The following EXTL3 variants were observed in gnomAD, a reference collection of about 807,000 sequenced individuals.
The protein encoded by EXTL3 is exostosin like glycosyltransferase 3, also known as exostosin-like 3.
Under a neutral mutation model 69.3 loss-of-function variants are expected in EXTL3, and 27 were observed. The ratio of observed to expected loss-of-function variants is 0.39; its 90% CI spans 0.29 to 0.54. The LOEUF (loss-of-function observed/expected upper bound fraction) is 0.54, where lower values mean the gene tolerates loss of function less well. Ranked by LOEUF, EXTL3 falls within the 20% of genes least tolerant of loss-of-function variation. The pLI is 0.69. For missense variants in EXTL3, 1,003 were observed against 1,231.8 expected (o/e 0.81, Z 2.78); for synonymous variants, 511 against 499.4 (o/e 1.02, Z -0.31).
At chr8:28,704,162 A>G (rs924544541) in intron 1 of EXTL3, among the ~76,000 whole-genome samples, 1 of 152,222 alleles carries the variant, frequency 6.6e-6, no homozygotes, top group Non-Finnish European at 1.5e-5. Context: ...AGGATTGGGG[A>G]GACTCATTAC....
At chr8:28,617,808 A>T (rs1272148324), upstream of EXTL3, among the ~76,000 whole-genome samples, 3 of 152,052 alleles carry the variant, frequency 2.0e-5, no homozygotes, top group Non-Finnish European at 2.9e-5. Context: ...CAACAACAAT[A>T]AAAAAAACAA....
At chr8:28,722,172 G>A (rs930848262) in intron 3 of EXTL3, among the ~76,000 whole-genome samples, 1 of 152,166 alleles carries the variant, frequency 6.6e-6, no homozygotes, top group African/African-American at 2.4e-5. Context: ...CAGTGCATCC[G>A]GGTGGCGCGT....
intron 1 of EXTL3, among the ~76,000 whole-genome samples, chr8:28,669,462 A>G (rs981859884): frequency 2.6e-5 from 4 of 152,194 alleles, no homozygotes; most frequent in Non-Finnish European, 5.9e-5. Flanking sequence ...CTATTACTCT[A>G]TTAGATAAAT....
At chr8:28,710,609 CTTTCTTTTT>C in intron 1 of EXTL3, 3 of 272,056 alleles carry the variant, frequency 1.1e-5, no homozygotes, top group African/African-American at 2.7e-5. Context: ...AGTTTTCTTT[CTTTCTTTTT>C]TTTTTTTTTT....
At chr8:28,713,842 A>G (rs761742476) in intron 2 of EXTL3, among the ~76,000 whole-genome samples, 8 of 151,300 alleles carry the variant, frequency 5.3e-5, no homozygotes, top group Non-Finnish European at 1.0e-4. Context: ...GACTCACACC[A>G]TCATTTCCCT....
At chr8:28,643,946 G>T (rs986854917) in intron 1 of EXTL3, among the ~76,000 whole-genome samples, 13 of 151,984 alleles carry the variant, frequency 8.6e-5, no homozygotes, top group African/African-American at 2.9e-4. Context: ...TTAAATTTTT[G>T]TAGAGATAGG....
At chr8:28,733,237 G>C (rs997225567) in intron 4 of EXTL3, among the ~76,000 whole-genome samples, 3 of 152,056 alleles carry the variant, frequency 2.0e-5, no homozygotes, top group African/African-American at 7.3e-5. Context: ...TTTCACGGTG[G>C]CAGCCCCATA....
At chr8:28,711,636 T>C (rs751439256) in intron 1 of EXTL3, among the ~76,000 whole-genome samples, 29 of 152,210 alleles carry the variant, frequency 1.9e-4, no homozygotes, top group Non-Finnish European at 2.6e-4. Flanking sequence ...CAGGTCCATA[T>C]GGCCATCCAG....
upstream of EXTL3, chr8:28,701,487 C>G (rs1281104986): frequency 6.6e-6 from 1 of 152,306 alleles, no homozygotes; most frequent in African/African-American, 2.4e-5. Context: ...CGGCGCGGCG[C>G]CCTTCGGCAA....
intron 1 of EXTL3, among the ~76,000 whole-genome samples, chr8:28,625,449 T>C (rs1323491317): frequency 6.6e-6 from 1 of 152,210 alleles, no homozygotes; most frequent in Non-Finnish European, 1.5e-5. Flanking sequence ...GTGGTGCCAA[T>C]TTAAAACAAA....
intron 6 of EXTL3, among the ~76,000 whole-genome samples, chr8:28,748,111 G>A (rs1801927505): frequency 6.6e-6 from 1 of 152,162 alleles, no homozygotes; most frequent in Non-Finnish European, 1.5e-5. Context: ...TGTGGCTCAT[G>A]CCTGTAATCC....
At chr8:28,747,410 CTG>C (rs1801909562) in intron 6 of EXTL3, among the ~76,000 whole-genome samples, 1 of 152,190 alleles carries the variant, frequency 6.6e-6, no homozygotes, top group Non-Finnish European at 1.5e-5. Flanking sequence ...GAGCACTGGC[CTG>C]TGTCTCCTCC....
At position 28,716,246 on chromosome 8, in the gene EXTL3, C is replaced by T. The variant is rs373430705; in HGVS notation, c.187C>T (p.Arg63Trp). Residue 63 changes from arginine (R) to tryptophan (W), a missense_variant, in exon 3 of 7, where the codon CGG becomes TGG. By Grantham distance (101) the Arg-to-Trp change is moderately radical (BLOSUM62 -3). This residue lies in a region of EXTL3 where 742 missense variants were observed against 815.4 expected (regional missense o/e 0.91). Coordinates refer to ENST00000220562, the MANE Select transcript of EXTL3 (RefSeq NM_001440.4). This position sits in a 1 kb window ranked among gnomAD's most constrained non-coding sequence, Gnocchi z 7.1. ...TLDEADEAGK[R>W]IFGPRVGNEL... ...GGATGAGGCTGATGAGGCAGGCAAG[C>T]GGATTTTTGGTCCCCGGGTGGGGAA... The T allele has an allele frequency of 3.0e-5, 49 of 1,614,188 alleles. No homozygotes were observed. The highest frequency in any genetic ancestry group is 8.5e-6 in the Non-Finnish European group (10 of 1,180,036).
chr8:28,735,989 C>CT (rs1801644914), intron 4 of EXTL3, among the ~76,000 whole-genome samples: 1 of 152,010 alleles, frequency 6.6e-6, no homozygotes, highest in Admixed American at 6.6e-5. Context: ...GGCTGCCGGG[C>CT]TGTGGGAAGG....
At position 28,717,847 on chromosome 8, in the gene EXTL3, T is replaced by C; in HGVS notation, c.1788T>C (p.Thr596=). 1 of 1,612,378 alleles carries C rather than the reference T, an allele frequency of 6.2e-7. No individual in the cohort carries two copies. The highest frequency in any genetic ancestry group is 8.5e-7 in the Non-Finnish European group (1 of 1,178,490). The change falls in exon 3 of 7, where the codon ACT becomes ACC. Residue 596 remains threonine (T), a synonymous_variant. Coordinates refer to ENST00000220562, the MANE Select transcript of EXTL3 (RefSeq NM_001440.4). The surrounding 1 kb of genome is among the most constrained non-coding windows in gnomAD (Gnocchi z 8.3). ...SPRYLRNFTL[T]VTDFYRSWNC... ...GATACCTCCGCAATTTCACTCTGAC[T>C]GTCACTGACTTTTACCGCAGCTGGA...
intron 1 of EXTL3, among the ~76,000 whole-genome samples, chr8:28,673,452 GT>G (rs1563201108): frequency 6.6e-6 from 1 of 152,186 alleles, no homozygotes; most frequent in Non-Finnish European, 1.5e-5. Context: ...AGTTTGCCCT[GT>G]TTTGGTTTCC....
intron 3 of EXTL3, among the ~76,000 whole-genome samples, chr8:28,726,087 C>T (rs981328886): frequency 6.6e-6 from 1 of 151,912 alleles, no homozygotes; most frequent in East Asian, 1.9e-4. Context: ...TCCTGAGTAG[C>T]TGGGATTACA....
At chr8:28,707,730 C>T (rs148149980) in intron 1 of EXTL3, among the ~76,000 whole-genome samples, 5 of 152,264 alleles carry the variant, frequency 3.3e-5, no homozygotes, top group East Asian at 1.9e-4. Flanking sequence ...TAATGTAGCA[C>T]GGTCCCGGTT....
chr8:28,732,587 A>C (rs1236569979), intron 4 of EXTL3, among the ~76,000 whole-genome samples: 1 of 152,176 alleles, frequency 6.6e-6, no homozygotes. Context: ...GTAGCCACTC[A>C]ATCTTTGCAT....
Sources: gnomAD v4.1 joint callset for allele counts (sites outside exome capture counted in the v4.1 genomes callset) on GRCh38, gnomAD v4.1.1 for gene constraint, gnomAD v4.1.1 regional missense constraint, Gnocchi (gnomAD v3.1) non-coding constraint, MANE v1.5 for transcripts, NCBI Gene and HGNC (gene_info 2026-07-23, HGNC 2026-07-21) for gene names.